MAPKAP1: variants seen among roughly 807,000 people sequenced by gnomAD.
MAPKAP1 encodes the protein MAPK associated protein 1, also known as target of rapamycin complex 2 subunit MAPKAP1.
Under a neutral mutation model 65.7 loss-of-function variants are expected in MAPKAP1, and 20 were observed. That is an observed-to-expected ratio of 0.30 (90% CI 0.21 to 0.44). MAPKAP1 has a LOEUF of 0.44. MAPKAP1 is among the 20% of genes least tolerant of loss of function. The pLI is 1.00. For missense variants in MAPKAP1, 423 were observed against 648.0 expected (o/e 0.65, Z 3.77); for synonymous variants, 222 against 244.3 (o/e 0.91, Z 0.85).
intron 10 of MAPKAP1, among the ~76,000 whole-genome samples, chr9:125,461,749 A>C (rs1564519251): frequency 6.6e-6 from 1 of 152,188 alleles, no homozygotes; most frequent in African/African-American, 2.4e-5. Flanking sequence ...TTATGAAATA[A>C]GCCCTTGTTA....
chr9:125,688,168 T>A (rs1173433033), intron 1 of MAPKAP1, among the ~76,000 whole-genome samples: 1 of 152,190 alleles, frequency 6.6e-6, no homozygotes, highest in Non-Finnish European at 1.5e-5. Flanking sequence ...GACGGAGTTT[T>A]GCTCTTGTCA....
At position 125,629,865 on chromosome 9, in the gene MAPKAP1, A is replaced by G. The variant is rs535984619; in HGVS notation, c.498+27786T>C. Among the ~76,000 whole-genome samples the G allele has an allele frequency of 1.1e-4, 17 of 152,358 alleles. 1 individual carries two copies. The South Asian group carries it at 3.5e-3, about 32-fold the overall frequency. On this transcript the variant is annotated intron_variant, in intron 4 of 11. Transcript: ENST00000265960. ...GTCGAAGCAGACAAGGCCATGTATA[A>G]CACAAAATGTCACTTTTAGATGTCC...
At chr9:125,507,670 A>G (rs895242813) in intron 7 of MAPKAP1, among the ~76,000 whole-genome samples, 1 of 152,216 alleles carries the variant, frequency 6.6e-6, no homozygotes, top group Non-Finnish European at 1.5e-5. Flanking sequence ...GAATTCTTAC[A>G]TACATTCAGT....
intron 1 of MAPKAP1, among the ~76,000 whole-genome samples, chr9:125,688,530 G>A (rs895024262): frequency 6.6e-6 from 1 of 152,062 alleles, no homozygotes; most frequent in South Asian, 2.1e-4. Flanking sequence ...CTATAATTAG[G>A]GTGAGAATGT....
chr9:125,586,509 T>C (rs1831790827), intron 4 of MAPKAP1, among the ~76,000 whole-genome samples: 1 of 148,346 alleles, frequency 6.7e-6, no homozygotes, highest in African/African-American at 2.6e-5. Context: ...GCTTTGTTGT[T>C]GTTTTTTTTT....
intron 5 of MAPKAP1, among the ~76,000 whole-genome samples, chr9:125,578,397 C>A (rs1390827923): frequency 4.0e-5 from 6 of 151,824 alleles, no homozygotes; most frequent in Non-Finnish European, 8.8e-5. Context: ...GCCAAATCCC[C>A]CTCTGCGAGA....
chr9:125,541,733 A>G (rs2133166957), intron 7 of MAPKAP1, among the ~76,000 whole-genome samples: 1 of 152,348 alleles, frequency 6.6e-6, no homozygotes, highest in African/African-American at 2.4e-5. Context: ...CCAGAACACC[A>G]TTCATCCCAG....
chr9:125,694,056 C>T (rs933502737), intron 1 of MAPKAP1, among the ~76,000 whole-genome samples: 6 of 151,642 alleles, frequency 4.0e-5, no homozygotes, highest in Non-Finnish European at 7.4e-5. Flanking sequence ...AGGTTGGGCA[C>T]GGTGGCTCAT....
chr9:125,443,167 G>A (rs186572822), intron 11 of MAPKAP1, among the ~76,000 whole-genome samples: 16 of 152,326 alleles, frequency 1.1e-4, no homozygotes, highest in Admixed American at 7.2e-4. Context: ...GCATATCTTC[G>A]CTACTTCTGC....
intron 4 of MAPKAP1, chr9:125,596,631 A>T: frequency 1.6e-6 from 1 of 642,008 alleles, no homozygotes; most frequent in South Asian, 1.4e-5. Context: ...GATTTTAATT[A>T]CTGCCAGCAA....
At chr9:125,498,093 T>C (rs1828861356) in intron 8 of MAPKAP1, among the ~76,000 whole-genome samples, 1 of 152,210 alleles carries the variant, frequency 6.6e-6, no homozygotes, top group African/African-American at 2.4e-5. Flanking sequence ...TAGCAGGCAT[T>C]TGGCTGAAGG....
chr9:125,512,081 A>C (rs1183230771), intron 7 of MAPKAP1, among the ~76,000 whole-genome samples: 2 of 152,250 alleles, frequency 1.3e-5, no homozygotes, highest in Non-Finnish European at 2.9e-5. Context: ...AATCTGCAGA[A>C]TCTGTTGGTT....
At chr9:125,629,778 A>C (rs906421371) in intron 4 of MAPKAP1, among the ~76,000 whole-genome samples, 5 of 152,192 alleles carry the variant, frequency 3.3e-5, no homozygotes, top group Non-Finnish European at 7.3e-5. Context: ...TTTAACTGAA[A>C]AATAAAAAAG....
intron 10 of MAPKAP1, among the ~76,000 whole-genome samples, chr9:125,466,465 G>A (rs1015211451): frequency 6.6e-6 from 1 of 152,130 alleles, no homozygotes; most frequent in South Asian, 2.1e-4. Flanking sequence ...ATCCCTTTAT[G>A]CAACACAGAA....
At chr9:125,699,525 A>G (rs1835533991) in intron 1 of MAPKAP1, among the ~76,000 whole-genome samples, 1 of 152,054 alleles carries the variant, frequency 6.6e-6, no homozygotes, top group Non-Finnish European at 1.5e-5. Flanking sequence ...AATTTTATGC[A>G]TGAAATAAAG....
chr9:125,525,396 G>T (rs555556660), intron 7 of MAPKAP1, among the ~76,000 whole-genome samples: 8 of 152,150 alleles, frequency 5.3e-5, no homozygotes, highest in Non-Finnish European at 1.2e-4. Flanking sequence ...ACAGGAGGCC[G>T]GGCGCGGTGG....
At chr9:125,479,580 CAA>C (rs1173012841) in intron 9 of MAPKAP1, among the ~76,000 whole-genome samples, 19 of 114,162 alleles carry the variant, frequency 1.7e-4, no homozygotes, top group Non-Finnish European at 1.7e-4. Flanking sequence ...AACTCCATCT[CAA>C]AAAAAAAAAA....
intron 3 of MAPKAP1, among the ~76,000 whole-genome samples, chr9:125,668,714 A>G (rs1044677870): frequency 2.0e-5 from 3 of 152,252 alleles, no homozygotes; most frequent in Non-Finnish European, 4.4e-5. Context: ...CTTTATACAC[A>G]TACTATATGA....
chr9:125,607,783 G>A (rs1832482723), intron 4 of MAPKAP1, among the ~76,000 whole-genome samples: 1 of 152,232 alleles, frequency 6.6e-6, no homozygotes, highest in African/African-American at 2.4e-5. Flanking sequence ...AGCCTCCCAA[G>A]TAGCTGGGAC....
Sources: allele counts gnomAD v4.1 joint callset (sites outside exome capture counted in the v4.1 genomes callset), GRCh38; gene constraint gnomAD v4.1.1; transcripts MANE v1.5; gene names NCBI Gene and HGNC (gene_info 2026-07-23, HGNC 2026-07-21).